Variants in AJAP1 observed in about 807,000 individuals in gnomAD.
The protein encoded by AJAP1 is adherens junctions associated protein 1.
A neutral mutation model predicts 35.0 loss-of-function variants in AJAP1; 5 were observed. The observed-to-expected ratio is 0.14, with a 90% CI of 0.07 to 0.30. The LOEUF is 0.30. Among genes scored for constraint, AJAP1 ranks in the 10% least tolerant of loss-of-function variants. The pLI is 1.00. For synonymous variants in AJAP1, 284 were observed against 249.3 expected (o/e 1.14, Z -1.31); for missense variants, 586 against 571.0 (o/e 1.03, Z -0.27).
intron 2 of AJAP1, among the ~76,000 whole-genome samples, chr1:4,732,614 C>T (rs1640825626): frequency 6.6e-6 from 1 of 152,268 alleles, no homozygotes; most frequent in Non-Finnish European, 1.5e-5. Flanking sequence ...GAGAGTGTCC[C>T]TTGTGCCAGG....
rs371894778 is a variant in AJAP1, at chr1:4,712,493, T to A, written c.623T>A (p.Ile208Asn). The stretch of plus-strand genomic sequence containing the variant: ...GTTTACGGCCCCACCACGGTCTCCA[T>A]CCTACAAACACGGAAGACAACTGTG... ...PGVYGPTTVSILQTRKTTVAA... is the reference protein window; with the variant it reads ...PGVYGPTTVSNLQTRKTTVAA... Residue 208 changes from isoleucine (I) to asparagine (N), a missense_variant, in exon 2 of 6, where the codon ATC (isoleucine) becomes AAC (asparagine). Ile to Asn is a moderately radical substitution (Grantham distance 149, BLOSUM62 -3). Transcript: ENST00000378191. The A allele has an allele frequency of 2.3e-5, 37 of 1,612,424 alleles. No individual in the cohort carries two copies. The highest frequency in any genetic ancestry group is 2.7e-5 in the Non-Finnish European group (32 of 1,179,584).
chr1:4,714,768 G>A (rs1341243223), intron 2 of AJAP1, among the ~76,000 whole-genome samples: 1 of 152,212 alleles, frequency 6.6e-6, no homozygotes, highest in East Asian at 1.9e-4. Flanking sequence ...GAAGGGAACA[G>A]GTGGTTTACA....
chr1:4,716,307 T>G (rs1640387989), intron 2 of AJAP1, among the ~76,000 whole-genome samples: 1 of 152,258 alleles, frequency 6.6e-6, no homozygotes, highest in Non-Finnish European at 1.5e-5. Flanking sequence ...AATTCCTGGC[T>G]TCAGCTCATG....
At chr1:4,774,709 G>C (rs2272878) in intron 5 of AJAP1, among the ~76,000 whole-genome samples, 151 bp downstream of exon 5, 1,907 of 152,178 alleles carry the variant, frequency 0.013, 16 homozygotes, top group African/African-American at 0.036. Flanking sequence ...GAGCCGGCGG[G>C]GGGGGCTGGG....
chr1:4,758,417 G>T (rs936086343), intron 2 of AJAP1, among the ~76,000 whole-genome samples: 1 of 152,126 alleles, frequency 6.6e-6, no homozygotes, highest in African/African-American at 2.4e-5. Flanking sequence ...TGCATGGCTG[G>T]GGTGGCCTCA....
At chr1:4,671,105 A>G (rs1639238201) in intron 1 of AJAP1, among the ~76,000 whole-genome samples, 2 of 152,208 alleles carry the variant, frequency 1.3e-5, no homozygotes, top group African/African-American at 2.4e-5. Context: ...ACGGTAGCTC[A>G]TGCCTGCAGT....
chr1:4,702,373 A>G (rs1010795114), intron 1 of AJAP1, among the ~76,000 whole-genome samples: 1 of 152,168 alleles, frequency 6.6e-6, no homozygotes, highest in Non-Finnish European at 1.5e-5. Flanking sequence ...TTGGGTTAAG[A>G]TTAGTGCTTT....
At chr1:4,737,496 G>A (rs975775597) in intron 2 of AJAP1, among the ~76,000 whole-genome samples, 1 of 151,722 alleles carries the variant, frequency 6.6e-6, no homozygotes, top group African/African-American at 2.4e-5. Context: ...CCCCCGAGAC[G>A]GAAGCCCCCC....
rs146622911 is a variant in AJAP1, at chr1:4,712,000, C to T, written c.130C>T (p.Leu44=). The T allele has an allele frequency of 2.1e-4, 341 of 1,595,350 alleles. 1 individual carries two copies. The African/African-American group carries it at 4.3e-3, about 20-fold the overall frequency. The part of the protein sequence containing the change: ...LAVDLPACEA[L]GPGPEFWLLP... ...CGTGGACCTGCCCGCCTGTGAGGCC[C>T]TGGGCCCGGGGCCGGAGTTCTGGCT... The change falls in exon 2 of 6, where the codon CTG becomes TTG. Residue 44 remains leucine, a synonymous_variant. Coordinates refer to ENST00000378191, the MANE Select transcript of AJAP1 (RefSeq NM_018836.4).
At chr1:4,736,497 G>A (rs371076375) in intron 2 of AJAP1, among the ~76,000 whole-genome samples, 49 of 152,252 alleles carry the variant, frequency 3.2e-4, no homozygotes, top group African/African-American at 1.0e-3. Flanking sequence ...TGTGGCCAGC[G>A]ATAATCTCTT....
At chr1:4,733,687 C>G (rs191834977) in intron 2 of AJAP1, among the ~76,000 whole-genome samples, 1 of 151,878 alleles carries the variant, frequency 6.6e-6, no homozygotes, top group South Asian at 2.1e-4. Context: ...TGGGAGGATT[C>G]GGTTCATCCT....
chr1:4,771,537 CCTT>C (rs1456519472), intron 3 of AJAP1, among the ~76,000 whole-genome samples: 6 of 152,294 alleles, frequency 3.9e-5, no homozygotes, highest in African/African-American at 9.6e-5. Context: ...GCCCCCTTGT[CCTT>C]CCTGTGCTCT....
At chr1:4,731,250 T>C (rs1008642826) in intron 2 of AJAP1, among the ~76,000 whole-genome samples, 1 of 152,088 alleles carries the variant, frequency 6.6e-6, no homozygotes, top group African/African-American at 2.4e-5. Context: ...CCGGCTAATT[T>C]TTGTATTTTT....
intron 2 of AJAP1, among the ~76,000 whole-genome samples, chr1:4,749,677 C>T (rs368344566): frequency 6.6e-5 from 10 of 152,346 alleles, no homozygotes; most frequent in East Asian, 5.8e-4. Flanking sequence ...ACACAGTGAC[C>T]CCAACTCCTT....
At chr1:4,671,002 G>A (rs762800950) in intron 1 of AJAP1, among the ~76,000 whole-genome samples, 2 of 152,238 alleles carry the variant, frequency 1.3e-5, no homozygotes, top group Non-Finnish European at 2.9e-5. Context: ...AGTCATTTAA[G>A]CTGTTATCCT....
intron 1 of AJAP1, among the ~76,000 whole-genome samples, chr1:4,690,925 A>T (rs866164356): frequency 3.3e-5 from 5 of 151,776 alleles, no homozygotes; most frequent in Non-Finnish European, 1.5e-5. Context: ...CCTGGGTCTG[A>T]CTCCTATCCC....
intron 1 of AJAP1, among the ~76,000 whole-genome samples, chr1:4,659,571 G>A (rs1638957996): frequency 6.6e-6 from 1 of 152,196 alleles, no homozygotes; most frequent in Non-Finnish European, 1.5e-5. Flanking sequence ...GGGTGTCCAT[G>A]TCAGACCTCT....
intron 2 of AJAP1, among the ~76,000 whole-genome samples, chr1:4,760,300 CATGAGTGTGTAT>C (rs1452718226): frequency 6.7e-6 from 1 of 149,706 alleles, no homozygotes; most frequent in Non-Finnish European, 1.5e-5. Flanking sequence ...CATGTGCGGG[CATGAGTGTGTAT>C]ATGAGTGTGT....
At chr1:4,725,044 C>A (rs1409518592) in intron 2 of AJAP1, among the ~76,000 whole-genome samples, 1 of 152,162 alleles carries the variant, frequency 6.6e-6, no homozygotes, top group African/African-American at 2.4e-5. Context: ...ACGCTTGTGC[C>A]CAGAGCGAGC....
Sources: allele counts gnomAD v4.1 joint callset (sites outside exome capture counted in the v4.1 genomes callset), GRCh38; gene constraint gnomAD v4.1.1; transcripts MANE v1.5; gene names NCBI Gene and HGNC (gene_info 2026-07-23, HGNC 2026-07-21).